Variants in CDYL observed in about 807,000 individuals in gnomAD.
CDYL encodes the protein chromodomain Y-like protein.
In CDYL, 8 loss-of-function variants were observed where a neutral mutation model predicts 47.3. That is an observed-to-expected ratio of 0.17 (90% confidence interval 0.10 to 0.31). CDYL has a LOEUF of 0.31. Ranked by LOEUF, CDYL falls within the 10% of genes least tolerant of loss-of-function variation. CDYL has a pLI of 1.00. For missense variants in CDYL, 471 were observed against 701.4 expected (o/e 0.67, Z 3.71); for synonymous variants, 266 against 265.0 (o/e 1.00, Z -0.04).
At chr6:4,885,420 C>G (rs1581235223) in intron 1 of CDYL, among the ~76,000 whole-genome samples, 1 of 152,190 alleles carries the variant, frequency 6.6e-6, no homozygotes, top group Non-Finnish European at 1.5e-5. Context: ...ATGCTACCAC[C>G]TCATTAGTGA....
Position 4,833,988 on chromosome 6 carries a change from C to T in CDYL, c.24+57181C>T, listed in dbSNP as rs1053837353. 1.8e-3 allele frequency among the ~76,000 whole-genome samples: 273 copies of T among 151,354 alleles called. 3 individuals carry two copies. Among genetic ancestry groups the T allele is most frequent in the African/African-American group, 6.6e-3 (267 of 40,736 alleles). On this transcript the variant is annotated intron_variant, in intron 1 of 6. Coordinates refer to ENST00000397588, the MANE Select transcript of CDYL (RefSeq NM_004824.4). ...GTGTCTCTGCATGTGAGATGGGTTT[C>T]CTGAATACAACACACTGATGGGTCT... is the stretch of plus-strand genomic sequence containing the variant.
chr6:4,708,591 T>C (rs1216339647), intron 1 of CDYL, among the ~76,000 whole-genome samples: 1 of 152,256 alleles, frequency 6.6e-6, no homozygotes, highest in Admixed American at 6.5e-5. Flanking sequence ...TATATGTTTA[T>C]GATGATTATT....
chr6:4,938,343 CTCCTTG>C (rs1758264216), intron 4 of CDYL, among the ~76,000 whole-genome samples: 2 of 152,034 alleles, frequency 1.3e-5, no homozygotes, highest in South Asian at 4.1e-4. Flanking sequence ...AGCAGAAGTC[CTCCTTG>C]TCCCTCACTC....
intron 2 of CDYL, among the ~76,000 whole-genome samples, chr6:4,911,639 G>C (rs918564901): frequency 7.9e-5 from 12 of 152,022 alleles, no homozygotes; most frequent in African/African-American, 2.2e-4. Context: ...CATAGAGCAT[G>C]GTGTTTCTAA....
At chr6:4,760,686 G>A (rs1264127927) in intron 3 of CDYL, among the ~76,000 whole-genome samples, 1 of 152,136 alleles carries the variant, frequency 6.6e-6, no homozygotes, top group Non-Finnish European at 1.5e-5. Flanking sequence ...GAGGAAATTG[G>A]CATAAAAGGA....
intron 1 of CDYL, among the ~76,000 whole-genome samples, chr6:4,822,796 T>C (rs756719991): frequency 2.0e-5 from 3 of 152,228 alleles, no homozygotes; most frequent in Non-Finnish European, 4.4e-5. Flanking sequence ...GTCTCAGTCA[T>C]GTAGACAACA....
chr6:4,880,041 C>G (rs111688865), intron 1 of CDYL, among the ~76,000 whole-genome samples: 1 of 152,050 alleles, frequency 6.6e-6, no homozygotes, highest in South Asian at 2.1e-4. Context: ...TACATTGACA[C>G]GTCATCACCC....
chr6:4,750,938 T>C (rs58142410), intron 3 of CDYL, among the ~76,000 whole-genome samples: 2,319 of 151,372 alleles, frequency 0.015, 61 homozygotes, highest in African/African-American at 0.047. Flanking sequence ...CTGCAAGCTC[T>C]GCCTCCTGGG....
Position 4,921,244 on chromosome 6 carries a change from A to G in CDYL, c.692-14271A>G, listed in dbSNP as rs967129792. Among the ~76,000 whole-genome samples the G allele has an allele frequency of 2.6e-5, 4 of 152,304 alleles. No individual in the cohort carries two copies. In the South Asian group the frequency reaches 8.3e-4, roughly 32 times the overall value. On this transcript the variant is annotated intron_variant, in intron 2 of 6. Transcript: ENST00000397588. ...GTCACTTTCCACATTTTCCCTCCAC[A>G]GGACATGGAATACTAGTGACTAAGC...
intron 1 of CDYL, among the ~76,000 whole-genome samples, chr6:4,860,171 A>G (rs1006153934): frequency 2.0e-5 from 3 of 152,016 alleles, no homozygotes; most frequent in Non-Finnish European, 1.5e-5. Context: ...AAAGTGCTGG[A>G]ATTACAGACG....
intron 2 of CDYL, among the ~76,000 whole-genome samples, chr6:4,934,366 ATAT>A (rs1272164952): frequency 6.6e-6 from 1 of 152,220 alleles, no homozygotes; most frequent in Non-Finnish European, 1.5e-5. Context: ...AGCAATTAAA[ATAT>A]TATTTCCACC....
chr6:4,741,381 G>T (rs1261496194), intron 3 of CDYL, among the ~76,000 whole-genome samples: 1 of 152,160 alleles, frequency 6.6e-6, no homozygotes, highest in Non-Finnish European at 1.5e-5. Context: ...AACTGCAAAA[G>T]ACAAAGGCAT....
At chr6:4,941,153 CAA>C (rs1256424543) in intron 4 of CDYL, among the ~76,000 whole-genome samples, 1 of 152,250 alleles carries the variant, frequency 6.6e-6, no homozygotes, top group Non-Finnish European at 1.5e-5. Context: ...TCCAAAGAAA[CAA>C]ATTTAACTTC....
At chr6:4,759,400 T>A (rs1339079800) in intron 3 of CDYL, among the ~76,000 whole-genome samples, 3 of 152,194 alleles carry the variant, frequency 2.0e-5, no homozygotes, top group Non-Finnish European at 4.4e-5. Context: ...TCACTTTCCA[T>A]CTTATTTAAA....
chr6:4,716,333 G>A (rs2127408153), intron 2 of CDYL, among the ~76,000 whole-genome samples: 1 of 151,482 alleles, frequency 6.6e-6, no homozygotes, highest in South Asian at 2.1e-4. Context: ...TACTCTAGCT[G>A]TTCGGACAAC....
intron 4 of CDYL, among the ~76,000 whole-genome samples, chr6:4,943,090 C>T (rs1234004232): frequency 6.6e-6 from 1 of 152,184 alleles, no homozygotes; most frequent in Non-Finnish European, 1.5e-5. Flanking sequence ...AACCCTAATC[C>T]ACCACCGTAC....
chr6:4,884,946 T>C (rs1301495196), intron 1 of CDYL, among the ~76,000 whole-genome samples: 4 of 152,210 alleles, frequency 2.6e-5, no homozygotes, highest in African/African-American at 9.6e-5. Context: ...GTTACCCGTG[T>C]TCAACCATGG....
At chr6:4,835,804 C>A (rs546657278) in intron 1 of CDYL, among the ~76,000 whole-genome samples, 5 of 152,280 alleles carry the variant, frequency 3.3e-5, no homozygotes, top group African/African-American at 1.2e-4. Flanking sequence ...CTCCCAGCCT[C>A]GTTGCCGCCT....
In CDYL at chr6:4,891,994, G is replaced by A. The variant is rs746275548; in HGVS notation, c.306G>A (p.Gly102=). 6 of 1,614,152 alleles carry A rather than the reference G, an allele frequency of 3.7e-6. No homozygotes were observed. The South Asian group carries it at 6.6e-5, about 18-fold the overall frequency. ...SKTSPKALVI[G]KDHESKNSQL... ...CCTCTCCTAAGGCACTCGTGATTGG[G>A]AAAGACCACGAATCCAAAAACAGCC... The change falls in exon 2 of 7, where the codon GGG becomes GGA. Residue 102 remains glycine (G), a synonymous_variant. Transcript: ENST00000397588.
Sources: gnomAD v4.1 joint callset for allele counts (sites outside exome capture counted in the v4.1 genomes callset) on GRCh38, gnomAD v4.1.1 for gene constraint, MANE v1.5 for transcripts, NCBI Gene and HGNC (gene_info 2026-07-23, HGNC 2026-07-21) for gene names.